Variants in ERBB4 observed in about 807,000 individuals in gnomAD.
The protein encoded by ERBB4 is erb-b2 receptor tyrosine kinase 4, also known as receptor tyrosine-protein kinase erbB-4.
Under a neutral mutation model 158.0 loss-of-function variants are expected in ERBB4, and 42 were observed. The observed-to-expected ratio is 0.27, with a 90% CI of 0.21 to 0.34. The LOEUF is 0.34. Among genes scored for constraint, ERBB4 ranks in the 10% least tolerant of loss-of-function variants. The pLI, the probability that ERBB4 is intolerant of heterozygous loss-of-function variation, is 1.00. For missense variants in ERBB4, 1,333 were observed against 1,624.1 expected (o/e 0.82, Z 3.08); for synonymous variants, 583 against 558.7 (o/e 1.04, Z -0.61).
chr2:211,413,309 A>AAAAAAAAAAAAAAAAAAAAAC (rs1553524037), intron 25 of ERBB4, among the ~76,000 whole-genome samples: 3 of 94,558 alleles, frequency 3.2e-5, no homozygotes, highest in Non-Finnish European at 7.0e-5. Flanking sequence ...CTGTCTTAAA[A>AAAAAAAAAAAAAAAAAAAAAC]ACACACACAC....
intron 1 of ERBB4, among the ~76,000 whole-genome samples, chr2:212,243,442 A>C (rs991951651): frequency 5.3e-5 from 8 of 151,590 alleles, no homozygotes; most frequent in Non-Finnish European, 1.2e-4. Context: ...TCACCATATA[A>C]AGAAAAAGAA....
At chr2:212,338,999 A>T (rs1478119836) in intron 1 of ERBB4, among the ~76,000 whole-genome samples, 3 of 152,142 alleles carry the variant, frequency 2.0e-5, no homozygotes, top group Non-Finnish European at 4.4e-5. Context: ...CTAGTGCATT[A>T]TTATCATTAT....
At chr2:211,492,573 A>C (rs1205112321) in intron 20 of ERBB4, among the ~76,000 whole-genome samples, 3 of 152,068 alleles carry the variant, frequency 2.0e-5, no homozygotes, top group African/African-American at 7.2e-5. Flanking sequence ...AAAGTAGGTA[A>C]AATAATGATG....
chr2:212,146,535 T>G (rs1395351746), intron 1 of ERBB4, among the ~76,000 whole-genome samples: 1 of 152,200 alleles, frequency 6.6e-6, no homozygotes, highest in African/African-American at 2.4e-5. Context: ...GAGGACCAAG[T>G]GTCGCCTGGG....
intron 20 of ERBB4, among the ~76,000 whole-genome samples, chr2:211,541,648 G>C (rs1297101718): frequency 1.3e-5 from 2 of 151,972 alleles, no homozygotes; most frequent in Non-Finnish European, 2.9e-5. Flanking sequence ...TTATCCAATG[G>C]AATAAATGAG....
intron 1 of ERBB4, among the ~76,000 whole-genome samples, chr2:212,329,454 C>T (rs571827977): frequency 6.6e-6 from 1 of 152,130 alleles, no homozygotes; most frequent in South Asian, 2.1e-4. Flanking sequence ...TGGTCATAGC[C>T]TACTGAGGTT....
chr2:212,106,848 G>C (rs1219941964), intron 2 of ERBB4, among the ~76,000 whole-genome samples: 1 of 152,230 alleles, frequency 6.6e-6, no homozygotes, highest in African/African-American at 2.4e-5. Flanking sequence ...GCTTCAGAGG[G>C]TGCAAGCCCC....
At chr2:211,525,386 A>G (rs1448792170) in intron 20 of ERBB4, among the ~76,000 whole-genome samples, 1 of 152,124 alleles carries the variant, frequency 6.6e-6, no homozygotes, top group Non-Finnish European at 1.5e-5. Context: ...TCTAAGTTGT[A>G]AGGCCTCTAT....
intron 17 of ERBB4, among the ~76,000 whole-genome samples, chr2:211,630,048 G>C (rs180904979): frequency 2.6e-5 from 4 of 152,234 alleles, no homozygotes; most frequent in Admixed American, 2.6e-4. Flanking sequence ...TTGACAAATG[G>C]GATCTAATTA....
intron 19 of ERBB4, among the ~76,000 whole-genome samples, chr2:211,614,552 G>A (rs1357292689): frequency 6.6e-6 from 1 of 151,928 alleles, no homozygotes; most frequent in African/African-American, 2.4e-5. Context: ...CACCTGCTCT[G>A]TACCCACAAA....
At chr2:212,447,019 C>A (rs1268134429) in intron 1 of ERBB4, among the ~76,000 whole-genome samples, 2 of 145,366 alleles carry the variant, frequency 1.4e-5, no homozygotes, top group African/African-American at 5.1e-5. Flanking sequence ...TTTATTTTGA[C>A]GGAGTCTCGC....
intron 3 of ERBB4, among the ~76,000 whole-genome samples, chr2:211,845,202 C>T (rs919414862): frequency 1.3e-5 from 2 of 152,096 alleles, no homozygotes; most frequent in Middle Eastern, 3.4e-3. Context: ...GAGCAATTGT[C>T]CTCAAATATA....
At chr2:211,422,596 A>C (rs976348568) in intron 23 of ERBB4, among the ~76,000 whole-genome samples, 4 of 151,782 alleles carry the variant, frequency 2.6e-5, no homozygotes, top group African/African-American at 9.7e-5. Context: ...TACTATCAGC[A>C]ATTTTCAAGG....
At chr2:211,503,126 C>T (rs1431281449) in intron 20 of ERBB4, among the ~76,000 whole-genome samples, 2 of 152,068 alleles carry the variant, frequency 1.3e-5, no homozygotes, top group Non-Finnish European at 2.9e-5. Context: ...CTCTGAGACC[C>T]TAGTTACAGA....
At chr2:211,504,010 T>A (rs2065681448) in intron 20 of ERBB4, among the ~76,000 whole-genome samples, 2 of 152,110 alleles carry the variant, frequency 1.3e-5, no homozygotes, top group South Asian at 4.1e-4. Flanking sequence ...CCCACTGTCA[T>A]CACTGCAATT....
intron 1 of ERBB4, among the ~76,000 whole-genome samples, chr2:212,362,126 T>A (rs1338081868): frequency 6.6e-6 from 1 of 151,548 alleles, no homozygotes; most frequent in African/African-American, 2.4e-5. Context: ...CTATAAAGAT[T>A]TTCTACTTTG....
chr2:211,634,098 G>A (rs2070261730), intron 16 of ERBB4, among the ~76,000 whole-genome samples: 1 of 152,190 alleles, frequency 6.6e-6, no homozygotes, highest in African/African-American at 2.4e-5. Flanking sequence ...AGTGAAGGTT[G>A]CAATGAGTAT....
At chr2:212,396,332 A>AT (rs1333294008) in intron 1 of ERBB4, among the ~76,000 whole-genome samples, 1 of 152,136 alleles carries the variant, frequency 6.6e-6, no homozygotes, top group Non-Finnish European at 1.5e-5. Context: ...AAGCTTTTTA[A>AT]AAGCCTAACT....
At position 212,191,424 on chromosome 2, in the gene ERBB4, T is replaced by C. The variant is rs186597357; in HGVS notation, c.83-66521A>G. On this transcript the variant is annotated intron_variant, in intron 1 of 27. Coordinates refer to ENST00000342788, the MANE Select transcript of ERBB4 (RefSeq NM_005235.3). Reference sequence around the variant, plus strand: ...GAAACAGAAAATTTTACAACCTAGTTGTAGGTATATACACATGTTATACAT... The same window carrying C: ...GAAACAGAAAATTTTACAACCTAGTCGTAGGTATATACACATGTTATACAT... Among the ~76,000 whole-genome samples, 9 of 152,322 alleles carry C rather than the reference T, an allele frequency of 5.9e-5. No homozygotes were observed. The East Asian group carries it at 1.5e-3, about 26-fold the overall frequency.
Sources: gnomAD v4.1 joint callset for allele counts (sites outside exome capture counted in the v4.1 genomes callset) on GRCh38, gnomAD v4.1.1 for gene constraint, MANE v1.5 for transcripts, NCBI Gene and HGNC (gene_info 2026-07-23, HGNC 2026-07-21) for gene names.